Variants in LGALS9 observed in about 807,000 individuals in gnomAD.
LGALS9 encodes galectin 9.
A neutral mutation model predicts 35.9 loss-of-function variants in LGALS9; 26 were observed. That is an observed-to-expected ratio of 0.72 (90% CI 0.53 to 1.01). LGALS9 has a LOEUF of 1.01. Ranked by LOEUF, LGALS9 falls within the 50% of genes least tolerant of loss-of-function variation. The probability of loss-of-function intolerance (pLI) is 0.00; values close to 1 mark genes in which losing one functional copy is unlikely to be tolerated. For synonymous variants in LGALS9, 149 were observed against 172.2 expected (o/e 0.87, Z 1.06); for missense variants, 347 against 445.8 (o/e 0.78, Z 1.99).
chr17:27,639,950 A>G (rs2151292738), intron 2 of LGALS9, among the ~76,000 whole-genome samples: 2 of 152,144 alleles, frequency 1.3e-5, no homozygotes, highest in South Asian at 4.2e-4. Context: ...GTTGGCCAGG[A>G]TGGTCTCGAA....
rs1423117495 is a variant in LGALS9 at position 27,643,598 on chromosome 17, G to A, written c.518G>A (p.Arg173Lys). The change falls in exon 5 of 11, where the codon AGG (arginine) becomes AAG (lysine). Residue 173 changes from arginine to lysine, a missense_variant. Physicochemically the swap from Arg to Lys is conservative, Grantham distance 26. Coordinates refer to ENST00000395473, the MANE Select transcript of LGALS9 (RefSeq NM_009587.3). The part of the protein sequence containing the change: ...PFSQPVCFPP[R>K]PRGRRQKPPG... Reference sequence around the variant, plus strand: ...TCCCAGCCTGTCTGTTTCCCACCCAGGCCCAGGGGGCGCAGACAAAAAGTG... The same window carrying A: ...TCCCAGCCTGTCTGTTTCCCACCCAAGCCCAGGGGGCGCAGACAAAAAGTG... 2 of 1,611,764 alleles carry A rather than the reference G, an allele frequency of 1.2e-6. No individual in the cohort carries two copies. Among genetic ancestry groups the A allele is most frequent in the South Asian group, 2.2e-5 (2 of 90,986 alleles).
In LGALS9 at chr17:27,645,900, C is replaced by G. The variant is rs1455947936; in HGVS notation, c.616C>G (p.Gln206Glu). 1.7e-5 allele frequency: 27 copies of G among 1,594,452 alleles called. No individual in the cohort carries two copies. The highest frequency in any genetic ancestry group is 2.3e-5 in the Non-Finnish European group (27 of 1,166,484). Residue 206 changes from glutamine to glutamate, a missense_variant, in exon 7 of 11, where the codon CAG becomes GAG. Coordinates refer to ENST00000395473, the MANE Select transcript of LGALS9 (RefSeq NM_009587.3). ...CCACACAGTGCAGAGCGCCCCTGGA[C>G]AGATGTTCTCTGTAAGTCTACAAGT... ...VIHTVQSAPG[Q>E]MFSTPAIPPM...
intron 1 of LGALS9, among the ~76,000 whole-genome samples, chr17:27,635,180 A>T (rs1364314465): frequency 2.6e-5 from 4 of 152,154 alleles, no homozygotes; most frequent in Admixed American, 2.6e-4. Flanking sequence ...GCCAGGCATG[A>T]TGGTTCATGC....
At chr17:27,643,207 C>T (rs1211802429) in intron 4 of LGALS9, among the ~76,000 whole-genome samples, 2 of 152,214 alleles carry the variant, frequency 1.3e-5, no homozygotes, top group Non-Finnish European at 2.9e-5. Flanking sequence ...CGAGGCTGCT[C>T]CCTGAGATCA....
chr17:27,640,882 T>C, intron 3 of LGALS9, 109 bp downstream of exon 3: 1 of 1,483,178 alleles, frequency 6.7e-7, no homozygotes. Flanking sequence ...GTGACACCAC[T>C]ATACAGATAA....
At chr17:27,646,651 C>A in intron 8 of LGALS9, 63 bp downstream of exon 8, 1 of 1,610,174 alleles carries the variant, frequency 6.2e-7, no homozygotes. Context: ...GGGTGAAGGG[C>A]CGCTGTGGGG....
At chr17:27,645,153 G>T in intron 5 of LGALS9, 161 bp from the exon 6 acceptor site, 1 of 1,480,820 alleles carries the variant, frequency 6.8e-7, no homozygotes, top group East Asian at 2.3e-5. Flanking sequence ...AAAAATCTGG[G>T]TGCCACGGGC....
chr17:27,633,126 G>A lies in LGALS9; in HGVS notation c.39+1822G>A, dbSNP rs552046865. 6.3e-4 allele frequency among the ~76,000 whole-genome samples: 96 copies of A among 152,354 alleles called. 1 individual carries two copies. Among genetic ancestry groups the A allele is most frequent in the Non-Finnish European group, 1.2e-4 (8 of 68,028 alleles). The stretch of plus-strand genomic sequence containing the variant: ...CTTACTCATGAGAGGAAGCCTGTGT[G>A]GTGGTTAGAAGCGTGGGTGCTGGGG... On this transcript the variant is annotated intron_variant, in intron 1 of 10. Coordinates refer to ENST00000395473, the MANE Select transcript of LGALS9 (RefSeq NM_009587.3).
intron 10 of LGALS9, 58 bp downstream of exon 10, chr17:27,647,490 G>C (rs1330021605): frequency 1.5e-5 from 24 of 1,601,872 alleles, no homozygotes; most frequent in Non-Finnish European, 2.0e-5. Flanking sequence ...GGGGGAGGGG[G>C]TAAAGGAGGT....
At chr17:27,634,806 G>A (rs541354645) in intron 1 of LGALS9, among the ~76,000 whole-genome samples, 1 of 152,166 alleles carries the variant, frequency 6.6e-6, no homozygotes, top group Non-Finnish European at 1.5e-5. Context: ...CCGGGGATTC[G>A]AATGTGGATG....
chr17:27,641,023 A>G (rs890748657), intron 3 of LGALS9: 3 of 706,020 alleles, frequency 4.2e-6, no homozygotes, highest in Admixed American at 2.1e-5. Context: ...TCACGTTGCT[A>G]TTTGGTGTTG....
intron 10 of LGALS9, 129 bp from the exon 11 acceptor site, chr17:27,648,707 G>A (rs1476340913): frequency 6.7e-6 from 10 of 1,482,414 alleles, no homozygotes; most frequent in Non-Finnish European, 7.4e-6. Context: ...GTTCAGTGGG[G>A]ATAGAGTGCA....
intron 1 of LGALS9, among the ~76,000 whole-genome samples, 180 bp downstream of exon 1, chr17:27,631,484 T>C (rs146135574): frequency 5.9e-4 from 90 of 152,316 alleles, no homozygotes; most frequent in African/African-American, 2.0e-3. Context: ...CTGAGCTCAC[T>C]CATGCCTGGA....
chr17:27,633,243 G>A (rs1410465810), intron 1 of LGALS9, among the ~76,000 whole-genome samples: 1 of 152,226 alleles, frequency 6.6e-6, no homozygotes, highest in African/African-American at 2.4e-5. Context: ...TGTAAAAGTG[G>A]CCGGGGTTGC....
chr17:27,641,133 C>T (rs959320009), intron 3 of LGALS9: 1 of 431,232 alleles, frequency 2.3e-6, no homozygotes, highest in African/African-American at 2.0e-5. Flanking sequence ...TCGTTCCAGC[C>T]TTTATCCAGG....
intron 8 of LGALS9, 50 bp downstream of exon 8, chr17:27,646,638 TG>T: frequency 1.2e-6 from 2 of 1,612,860 alleles, no homozygotes; most frequent in Non-Finnish European, 1.7e-6. Flanking sequence ...GTGGGCAGGC[TG>T]GGGGTGAAGG....
At chr17:27,646,059 T>C (rs1904917614) in intron 7 of LGALS9, 148 bp downstream of exon 7, 1 of 668,846 alleles carries the variant, frequency 1.5e-6, no homozygotes, top group Non-Finnish European at 2.6e-6. Flanking sequence ...TCAGGTGACA[T>C]GTGGCTAAAG....
At chr17:27,644,416 G>A (rs1904772834) in intron 5 of LGALS9, 2 of 152,526 alleles carry the variant, frequency 1.3e-5, no homozygotes, top group Non-Finnish European at 2.9e-5. Flanking sequence ...AGGCCCCAGA[G>A]GGCCAGGACT....
At chr17:27,634,524 C>G (rs1269784244) in intron 1 of LGALS9, among the ~76,000 whole-genome samples, 1 of 152,142 alleles carries the variant, frequency 6.6e-6, no homozygotes, top group Non-Finnish European at 1.5e-5. Context: ...CACACTCCAG[C>G]CTGGCTGACA....
Sources: gnomAD v4.1 joint callset for allele counts (sites outside exome capture counted in the v4.1 genomes callset) on GRCh38, gnomAD v4.1.1 for gene constraint, MANE v1.5 for transcripts, NCBI Gene and HGNC (gene_info 2026-07-23, HGNC 2026-07-21) for gene names.